Variants in CYP46A1 observed in about 807,000 individuals in gnomAD.
CYP46A1 encodes the protein cholesterol 24-hydroxylase.
CYP46A1 carries 20 observed loss-of-function variants against 63.3 expected under a neutral mutation model. That is an observed-to-expected ratio of 0.32 (90% CI 0.22 to 0.46). The LOEUF (loss-of-function observed/expected upper bound fraction) is 0.46, where lower values mean the gene tolerates loss of function less well. Among genes scored for constraint, CYP46A1 ranks in the 20% least tolerant of loss-of-function variants. CYP46A1 has a pLI of 1.00. For missense variants in CYP46A1, 445 were observed against 670.8 expected (o/e 0.66, Z 3.72); for synonymous variants, 268 against 273.6 (o/e 0.98, Z 0.20).
In CYP46A1 at chr14:99,700,012, C is replaced by T; in HGVS notation, c.357-3C>T. ...TCCCGCATCACGTGTGTGTCTCCTA[C>T]AGACTCTTCGGCCAAGGCTTGGTGT... On this transcript the variant is annotated splice_polypyrimidine_tract_variant and splice_region_variant and intron_variant, in intron 4 of 14. Transcript: ENST00000261835. 3 of 1,444,586 alleles carry T rather than the reference C, an allele frequency of 2.1e-6. No individual in the cohort carries two copies. The highest frequency in any genetic ancestry group is 2.8e-6 in the Non-Finnish European group (3 of 1,073,362). The allele number at this position is 1,444,586 out of a possible 1,614,324, so 89.5% of individuals were successfully genotyped here. A position where few individuals can be genotyped will look rare whatever the true frequency, so the allele number is the denominator to read the frequency against.
intron 11 of CYP46A1, 121 bp from the exon 12 acceptor site, chr14:99,721,835 G>T: frequency 2.8e-6 from 2 of 707,074 alleles, no homozygotes; most frequent in East Asian, 2.6e-5. Flanking sequence ...ACCCAGGCCA[G>T]GGTGAGGGTA....
At chr14:99,706,886 T>C in intron 6 of CYP46A1, 101 bp downstream of exon 6, 1 of 1,391,314 alleles carries the variant, frequency 7.2e-7, no homozygotes, top group Non-Finnish European at 9.6e-7. Flanking sequence ...CTCCTGCTCC[T>C]CTAACATACC....
At chr14:99,697,532 G>T (rs1352069389) in intron 3 of CYP46A1, among the ~76,000 whole-genome samples, 1 of 152,174 alleles carries the variant, frequency 6.6e-6, no homozygotes, top group African/African-American at 2.4e-5. Flanking sequence ...TAGGTCATAG[G>T]TCTCACATTT....
intron 14 of CYP46A1, 49 bp downstream of exon 14, chr14:99,726,305 G>C: frequency 6.3e-7 from 1 of 1,587,326 alleles, no homozygotes; most frequent in South Asian, 1.1e-5. Flanking sequence ...TGCAGGGGTG[G>C]GGGCTCATCC....
intron 14 of CYP46A1, 70 bp from the exon 15 acceptor site, chr14:99,726,487 T>A: frequency 7.1e-7 from 1 of 1,401,860 alleles, no homozygotes; most frequent in East Asian, 2.5e-5. Flanking sequence ...CTGTGACATT[T>A]GCTGCTCATT....
intron 12 of CYP46A1, among the ~76,000 whole-genome samples, chr14:99,724,723 T>C (rs10129557): frequency 0.79 from 120,830 of 152,204 alleles, 48,867 homozygotes; most frequent in Middle Eastern, 0.88. Flanking sequence ...ACACCGGATG[T>C]TCCCACACAC....
intron 1 of CYP46A1, among the ~76,000 whole-genome samples, chr14:99,685,088 ACC>A (rs1273289722): frequency 0.014 from 51 of 3,648 alleles, 1 homozygote; most frequent in Non-Finnish European, 0.03. Flanking sequence ...CAACTTGCCA[ACC>A]CCCCCCCACC....
intron 1 of CYP46A1, among the ~76,000 whole-genome samples, chr14:99,685,680 G>T (rs946699842): frequency 1.3e-5 from 2 of 151,890 alleles, no homozygotes; most frequent in African/African-American, 4.8e-5. Flanking sequence ...ATTCTGGAAG[G>T]CACCCATCTC....
At position 99,699,669 on chromosome 14, in the gene CYP46A1, T is replaced by C; in HGVS notation, c.356+130T>C. ...CCCTGGCTGCCAGGCATGTGATGAGTGCCCCGTAAACAGTGGCCCCACTCT... is the reference window on the plus strand; with the variant it reads ...CCCTGGCTGCCAGGCATGTGATGAGCGCCCCGTAAACAGTGGCCCCACTCT... On this transcript the variant is annotated intron_variant, in intron 4 of 14. Transcript: ENST00000261835. 19 of 966,230 alleles carry C rather than the reference T, an allele frequency of 2.0e-5. No homozygotes were observed. In the South Asian group the frequency reaches 2.5e-4, roughly 13 times the overall value. 59.9% of individuals were successfully genotyped at this position (966,230 alleles called of 1,614,324 possible). A position where few individuals can be genotyped will look rare whatever the true frequency, so the allele number is the denominator to read the frequency against.
At chr14:99,718,258 T>G in intron 10 of CYP46A1, 132 bp downstream of exon 10, 4 of 661,306 alleles carry the variant, frequency 6.0e-6, no homozygotes, top group Non-Finnish European at 8.0e-6. Flanking sequence ...GCACATGCTG[T>G]TCCCTCTCTT....
In CYP46A1 at chr14:99,726,788, C is replaced by G. The variant is rs968997172; in HGVS notation, c.*61C>G. 6 of 1,320,040 alleles carry G rather than the reference C, an allele frequency of 4.5e-6. No homozygotes were observed. Among genetic ancestry groups the G allele is most frequent in the Non-Finnish European group, 6.1e-6 (6 of 989,958 alleles). 81.8% of individuals were successfully genotyped at this position (1,320,040 alleles called of 1,614,324 possible). On this transcript the variant is annotated 3_prime_UTR_variant, in exon 15 of 15. Coordinates refer to ENST00000261835, the MANE Select transcript of CYP46A1 (RefSeq NM_006668.2). ...GGGCCGTGCCCGCCCACCTCTGCTG[C>G]CCACGGCCACCCACCCTTCTCCCCT...
chr14:99,723,540 C>G (rs1297340303), intron 12 of CYP46A1, among the ~76,000 whole-genome samples: 2 of 152,254 alleles, frequency 1.3e-5, no homozygotes, highest in Middle Eastern at 3.4e-3. Context: ...AACTCCTGAC[C>G]TCAAGTGATC....
chr14:99,699,167 T>G (rs1397472097), intron 3 of CYP46A1, among the ~76,000 whole-genome samples: 1 of 152,032 alleles, frequency 6.6e-6, no homozygotes, highest in African/African-American at 2.4e-5. Context: ...TTTTGCTGCT[T>G]TGGAAGGTGA....
chr14:99,688,300 G>A (rs1158573410), intron 1 of CYP46A1, among the ~76,000 whole-genome samples: 2 of 152,124 alleles, frequency 1.3e-5, no homozygotes, highest in Non-Finnish European at 2.9e-5. Flanking sequence ...GCGGGCAGGC[G>A]GCCACCCCGT....
intron 3 of CYP46A1, among the ~76,000 whole-genome samples, chr14:99,694,291 CTTTCTT>C (rs1358424504): frequency 1.9e-5 from 1 of 53,512 alleles, no homozygotes; most frequent in Non-Finnish European, 4.7e-5. Context: ...ATGAGATTTT[CTTTCTT>C]TTTTTTTTTT....
chr14:99,703,453 G>A (rs991112377), intron 5 of CYP46A1, among the ~76,000 whole-genome samples: 3 of 152,048 alleles, frequency 2.0e-5, no homozygotes, highest in Non-Finnish European at 4.4e-5. Flanking sequence ...CCTATCATCT[G>A]AGAGATGAAG....
intron 3 of CYP46A1, chr14:99,695,378 G>T: frequency 5.2e-6 from 2 of 387,720 alleles, no homozygotes; most frequent in Non-Finnish European, 5.1e-6. Context: ...GTGGTTGCAG[G>T]GCAAGGAATG....
At position 99,684,370 on chromosome 14, in the gene CYP46A1, C is replaced by T; in HGVS notation, c.-48C>T. On this transcript the variant is annotated 5_prime_UTR_variant, in exon 1 of 15. Coordinates refer to ENST00000261835, the MANE Select transcript of CYP46A1 (RefSeq NM_006668.2). ...GAGTCGGCTCGCGGCCTCCCGGCCC[C>T]CTCGGCGCCCGGCCCGACCCTGGCC... The T allele has an allele frequency of 1.7e-6, 2 of 1,204,930 alleles. No individual in the cohort carries two copies. Among genetic ancestry groups the T allele is most frequent in the Non-Finnish European group, 2.1e-6 (2 of 956,296 alleles). The allele number at this position is 1,204,930 out of a possible 1,614,324, so 74.6% of individuals were successfully genotyped here.
intron 6 of CYP46A1, 112 bp from the exon 7 acceptor site, chr14:99,707,456 T>C (rs2056687838): frequency 1.3e-6 from 1 of 777,938 alleles, no homozygotes; most frequent in African/African-American, 1.7e-5. Flanking sequence ...ATATGATGCA[T>C]ATAAACCCTT....
Sources: gnomAD v4.1 joint callset for allele counts (sites outside exome capture counted in the v4.1 genomes callset) on GRCh38, gnomAD v4.1.1 for gene constraint, MANE v1.5 for transcripts, NCBI Gene and HGNC (gene_info 2026-07-23, HGNC 2026-07-21) for gene names.